Variants in LAMC1 observed in about 807,000 individuals in gnomAD.
The protein encoded by LAMC1 is laminin subunit gamma 1, also known as laminin subunit gamma-1.
Under a neutral mutation model 173.6 loss-of-function variants are expected in LAMC1, and 38 were observed. The ratio of observed to expected loss-of-function variants is 0.22; its 90% CI spans 0.17 to 0.29. The LOEUF (loss-of-function observed/expected upper bound fraction) is 0.29, where lower values mean the gene tolerates loss of function less well. LAMC1 is among the 10% of genes least tolerant of loss of function. LAMC1 has a pLI of 1.00. For synonymous variants in LAMC1, 746 were observed against 749.1 expected (o/e 1.00, Z 0.07); for missense variants, 1,824 against 2,051.8 (o/e 0.89, Z 2.14).
intron 1 of LAMC1, among the ~76,000 whole-genome samples, chr1:183,064,844 C>T (rs1261855678): frequency 6.6e-6 from 1 of 152,152 alleles, no homozygotes; most frequent in Non-Finnish European, 1.5e-5. Context: ...AGTTTAGGGT[C>T]ATATGTGGCT....
intron 19 of LAMC1, 100 bp from the exon 20 acceptor site, chr1:183,131,199 C>G: frequency 1.5e-6 from 1 of 662,842 alleles, no homozygotes; most frequent in East Asian, 2.8e-5. Context: ...AAGGTAGAGG[C>G]ATTCTTTTTG....
intron 1 of LAMC1, among the ~76,000 whole-genome samples, chr1:183,058,788 T>C (rs1367856245): frequency 6.6e-6 from 1 of 152,132 alleles, no homozygotes; most frequent in African/African-American, 2.4e-5. Flanking sequence ...TTGGTTTCCC[T>C]GGAGCATGAA....
chr1:183,030,143 C>A (rs780883802), intron 1 of LAMC1, among the ~76,000 whole-genome samples: 1 of 152,140 alleles, frequency 6.6e-6, no homozygotes, highest in African/African-American at 2.4e-5. Flanking sequence ...TGTTGGAGCA[C>A]AGTTTAGCCC....
At chr1:183,090,083 A>G (rs967631387) in intron 1 of LAMC1, among the ~76,000 whole-genome samples, 4 of 152,232 alleles carry the variant, frequency 2.6e-5, no homozygotes, top group African/African-American at 9.6e-5. Context: ...TGCTTTTCTC[A>G]GAACTTTTTT....
chr1:183,121,812 G>A lies in LAMC1; in HGVS notation c.2080G>A (p.Val694Met), dbSNP rs1656482393. 1 of 1,614,050 alleles carries A rather than the reference G, an allele frequency of 6.2e-7. No homozygotes were observed. The highest frequency in any genetic ancestry group is 1.7e-5 in the Admixed American group (1 of 60,002). ...ATWVESCTCP[V>M]GYGGQFCEMC... ...TTGGGTGGAGTCCTGCACCTGTCCT[G>A]TGGGATATGGAGGGCAGTTTTGTGA... The change falls in exon 12 of 28, where the codon GTG (valine) becomes ATG (methionine). Residue 694 changes from valine (V) to methionine (M), a missense_variant. By Grantham distance (21) the Val-to-Met change is conservative. Transcript: ENST00000258341.
intron 13 of LAMC1, among the ~76,000 whole-genome samples, chr1:183,124,154 A>G (rs954332096): frequency 2.6e-5 from 4 of 152,302 alleles, no homozygotes; most frequent in East Asian, 1.9e-4. Context: ...TTCTGTACCA[A>G]TTGATACTGA....
chr1:183,073,928 A>C (rs775948472), intron 1 of LAMC1, among the ~76,000 whole-genome samples: 1 of 152,222 alleles, frequency 6.6e-6, no homozygotes, highest in Non-Finnish European at 1.5e-5. Flanking sequence ...GGCATAGATT[A>C]CATAGATTAG....
intron 11 of LAMC1, among the ~76,000 whole-genome samples, chr1:183,121,358 GGAGATTGCAGTGAGTC>G (rs1410447841): frequency 6.6e-6 from 1 of 152,104 alleles, no homozygotes; most frequent in Non-Finnish European, 1.5e-5. Flanking sequence ...CCCAGGAGGC[GGAGATTGCAGTGAGTC>G]GAGATTGCAC....
rs551901371 is a variant in LAMC1, at chr1:183,078,087, G to T, written c.419-25241G>T. ...GGTTCAGAAAGATTACTCCCAACAA[G>T]AATTTTATTATATTTGATATTCTTG... is the stretch of plus-strand genomic sequence containing the variant. On this transcript the variant is annotated intron_variant, in intron 1 of 27. Coordinates refer to ENST00000258341, the MANE Select transcript of LAMC1 (RefSeq NM_002293.4). 2.0e-5 allele frequency among the ~76,000 whole-genome samples: 3 copies of T among 152,120 alleles called. No individual in the cohort carries two copies. The South Asian group carries it at 6.2e-4, about 32-fold the overall frequency.
At chr1:183,087,064 C>T (rs1655448762) in intron 1 of LAMC1, among the ~76,000 whole-genome samples, 1 of 152,030 alleles carries the variant, frequency 6.6e-6, no homozygotes, top group Non-Finnish European at 1.5e-5. Context: ...TAGTACAATA[C>T]TTCTCTCACT....
intron 1 of LAMC1, among the ~76,000 whole-genome samples, chr1:183,069,790 C>T (rs913748653): frequency 4.6e-5 from 7 of 152,218 alleles, no homozygotes; most frequent in African/African-American, 1.7e-4. Context: ...CTGGCCCTGG[C>T]AGGTCTCTTT....
intron 4 of LAMC1, among the ~76,000 whole-genome samples, chr1:183,112,193 C>G (rs534084046): frequency 4.6e-5 from 7 of 152,296 alleles, no homozygotes; most frequent in African/African-American, 1.7e-4. Context: ...TTACAGCCTC[C>G]TCTAACATTT....
At chr1:183,082,454 C>T (rs1186927512) in intron 1 of LAMC1, among the ~76,000 whole-genome samples, 3 of 152,140 alleles carry the variant, frequency 2.0e-5, no homozygotes, top group Admixed American at 1.3e-4. Context: ...GTGGAGATAT[C>T]ATTATGGCAA....
intron 1 of LAMC1, among the ~76,000 whole-genome samples, chr1:183,064,988 G>T (rs1245594153): frequency 6.6e-6 from 1 of 151,968 alleles, no homozygotes; most frequent in African/African-American, 2.4e-5. Context: ...GCACATATTT[G>T]GGATGTGCAC....
At chr1:183,111,228 A>C (rs1288931479) in intron 4 of LAMC1, among the ~76,000 whole-genome samples, 1 of 151,830 alleles carries the variant, frequency 6.6e-6, no homozygotes, top group Non-Finnish European at 1.5e-5. Flanking sequence ...CTGGGATTAC[A>C]GGTGCATGCC....
In LAMC1 at chr1:183,140,245, C is replaced by CAAAAAAAAAAAAAAAAAAAA. The variant is rs56152259; in HGVS notation, c.4474-158_4474-139dup. Among the ~76,000 whole-genome samples the CAAAAAAAAAAAAAAAAAAAA allele has an allele frequency of 1.5e-3, 78 of 52,904 alleles. 9 individuals are homozygous for CAAAAAAAAAAAAAAAAAAAA. Among genetic ancestry groups the CAAAAAAAAAAAAAAAAAAAA allele is most frequent in the African/African-American group, 3.8e-3 (54 of 14,130 alleles). 34.7% of individuals were successfully genotyped at this position (52,904 alleles called of 152,430 possible). A position where few individuals can be genotyped will look rare whatever the true frequency, so the allele number is the denominator to read the frequency against. The stretch of plus-strand genomic sequence containing the variant: ...ATATGAAGATATGCAGCAGCCCCAC[C>CAAAAAAAAAAAAAAAAAAAA]AAAAAAAAAAAAAAAAAAAAGCAAT... On this transcript the variant is annotated intron_variant, in intron 26 of 27. Transcript: ENST00000258341.
chr1:183,091,581 T>A (rs1655568124), intron 1 of LAMC1, among the ~76,000 whole-genome samples: 1 of 152,212 alleles, frequency 6.6e-6, no homozygotes. Context: ...GTATATTTTT[T>A]AAATACCTAA....
In LAMC1 at chr1:183,132,336, G is replaced by A. The variant is rs12061219; in HGVS notation, c.3567-64G>A. ...AATAATAATAAAGTAAGCATTACCT[G>A]AATTTTACTTATGTCCCTATCAGAT... On this transcript the variant is annotated intron_variant, in intron 20 of 27. Transcript: ENST00000258341. 688,661 of 1,143,354 alleles carry A rather than the reference G, an allele frequency of 0.6. 213,545 individuals carry two copies. Among genetic ancestry groups the A allele is most frequent in the South Asian group, 0.73 (45,262 of 62,022 alleles). 70.8% of individuals were successfully genotyped at this position (1,143,354 alleles called of 1,614,324 possible). A position where few individuals can be genotyped will look rare whatever the true frequency, so the allele number is the denominator to read the frequency against.
chr1:183,053,033 G>C (rs1210372746), intron 1 of LAMC1, among the ~76,000 whole-genome samples: 3 of 152,140 alleles, frequency 2.0e-5, no homozygotes, highest in Admixed American at 2.0e-4. Context: ...TCCTAGTGTT[G>C]GTTGGAGTTC....
Sources: gnomAD v4.1 joint callset for allele counts (sites outside exome capture counted in the v4.1 genomes callset) on GRCh38, gnomAD v4.1.1 for gene constraint, MANE v1.5 for transcripts, NCBI Gene and HGNC (gene_info 2026-07-23, HGNC 2026-07-21) for gene names.